RAB14: variants seen among roughly 807,000 people sequenced by gnomAD.
The protein encoded by RAB14 is RAB14, member RAS oncogene family, also known as ras-related protein Rab-14.
In RAB14, 3 loss-of-function variants were observed where a neutral mutation model predicts 31.1. The ratio of observed to expected loss-of-function variants is 0.10; its 90% CI spans 0.04 to 0.25. The LOEUF is 0.25. Among genes scored for constraint, RAB14 ranks in the 10% least tolerant of loss-of-function variants. The pLI, the probability that RAB14 is intolerant of heterozygous loss-of-function variation, is 1.00. For synonymous variants in RAB14, 85 were observed against 84.9 expected, an observed-to-expected ratio of 1.00 and a Z score of 0.00; for missense variants, 111 against 260.1, an observed-to-expected ratio of 0.43 and a Z score of 3.94.
intron 5 of RAB14, among the ~76,000 whole-genome samples, chr9:121,185,652 T>C (rs1278504775): frequency 6.6e-6 from 1 of 152,206 alleles, no homozygotes; most frequent in Non-Finnish European, 1.5e-5. Flanking sequence ...AATGAAATCA[T>C]ACAGTATGTA....
At chr9:121,187,056 TA>T (rs1564319582) in intron 4 of RAB14, 37 bp from the exon 5 acceptor site, 1 of 1,278,720 alleles carries the variant, frequency 7.8e-7, no homozygotes, top group East Asian at 2.5e-5. Flanking sequence ...GACTGCCATA[TA>T]ATTATAGAAA....
intron 1 of RAB14, among the ~76,000 whole-genome samples, chr9:121,199,087 C>T (rs1385539959): frequency 6.6e-6 from 1 of 152,026 alleles, no homozygotes; most frequent in Non-Finnish European, 1.5e-5. Context: ...AATACTGGAC[C>T]TCTGTTTACA....
intron 1 of RAB14, among the ~76,000 whole-genome samples, chr9:121,200,867 A>G (rs944370678): frequency 5.3e-5 from 8 of 152,194 alleles, no homozygotes; most frequent in African/African-American, 1.7e-4. Flanking sequence ...AAAATACATA[A>G]ATATGTACCT....
At chr9:121,186,331 A>C (rs879506457) in intron 5 of RAB14, among the ~76,000 whole-genome samples, 1 of 152,120 alleles carries the variant, frequency 6.6e-6, no homozygotes, top group African/African-American at 2.4e-5. Flanking sequence ...AGTTATCTGC[A>C]TATCTGCTGG....
chr9:121,192,267 C>A lies in RAB14; in HGVS notation c.53-43G>T, dbSNP rs145194329. On this transcript the variant is annotated intron_variant, in intron 2 of 7. Transcript: ENST00000373840. ...AGTTTCAGGTGGCAATTACATTTCT[C>A]AATTTTATGCAATGATCGCTATATT... 3.6e-4 allele frequency: 509 copies of A among 1,404,214 alleles called. No homozygotes were observed. In the African/African-American group the frequency reaches 6.3e-3, roughly 17 times the overall value. 87.0% of individuals were successfully genotyped at this position (1,404,214 alleles called of 1,614,324 possible). A position where few individuals can be genotyped will look rare whatever the true frequency, so the allele number is the denominator to read the frequency against.
chr9:121,199,480 A>T (rs1465146681), intron 1 of RAB14, among the ~76,000 whole-genome samples: 3 of 152,360 alleles, frequency 2.0e-5, no homozygotes, highest in East Asian at 3.9e-4. Context: ...ATCTCTCAAT[A>T]GCCCAAGTTT....
chr9:121,183,857 G>A (rs1036171348), intron 5 of RAB14, among the ~76,000 whole-genome samples: 2 of 152,154 alleles, frequency 1.3e-5, no homozygotes, highest in African/African-American at 4.8e-5. Flanking sequence ...ATTACTAAGG[G>A]TTCATGGACA....
At chr9:121,194,094 TCACACACACACA>T (rs56303323) in intron 1 of RAB14, among the ~76,000 whole-genome samples, 7 of 138,956 alleles carry the variant, frequency 5.0e-5, no homozygotes, top group Non-Finnish European at 1.1e-4. Context: ...AGATTATCAC[TCACACACACACA>T]CACACACACA....
Position 121,182,977 on chromosome 9 carries a change from G to C in RAB14, c.440-17C>G, listed in dbSNP as rs1209685007. On this transcript the variant is annotated splice_polypyrimidine_tract_variant and intron_variant, in intron 6 of 7. Transcript: ENST00000373840. The stretch of plus-strand genomic sequence containing the variant: ...ACAATAAGCCTAAAAATAAAATTCA[G>C]ACTATAATTAGGACACTTCAAACTA... The C allele has an allele frequency of 6.2e-7, 1 of 1,602,520 alleles. No individual in the cohort carries two copies. The highest frequency in any genetic ancestry group is 8.5e-7 in the Non-Finnish European group (1 of 1,171,868).
rs752199275 is a variant in RAB14, at chr9:121,181,374, AG to A, written c.*21del. 3.2e-6 allele frequency: 5 copies of A among 1,562,526 alleles called. No homozygotes were observed. The South Asian group carries it at 5.8e-5, about 18-fold the overall frequency. ...ACAGACAGAGGTGAAAGGTCAAATGAGGGGCCACAGCAAAGAGGTCACTAGC... is the reference window on the plus strand; with the variant it reads ...ACAGACAGAGGTGAAAGGTCAAATGAGGGCCACAGCAAAGAGGTCACTAGC... On this transcript the variant is annotated 3_prime_UTR_variant, in exon 8 of 8. Transcript: ENST00000373840.
intron 1 of RAB14, 27 bp from the exon 2 acceptor site, chr9:121,193,446 T>A: frequency 6.7e-7 from 1 of 1,488,968 alleles, no homozygotes; most frequent in Non-Finnish European, 9.2e-7. Flanking sequence ...CTCTGTTACT[T>A]CAGAAGGAAA....
At chr9:121,192,416 G>C (rs1433849912) in intron 2 of RAB14, among the ~76,000 whole-genome samples, 192 bp from the exon 3 acceptor site, 2 of 152,024 alleles carry the variant, frequency 1.3e-5, no homozygotes, top group Non-Finnish European at 2.9e-5. Context: ...ATCTTTAGCA[G>C]TGACAGAATT....
At chr9:121,181,744 CTT>C (rs3838268) in intron 7 of RAB14, among the ~76,000 whole-genome samples, 171 bp from the exon 8 acceptor site, 50 of 102,936 alleles carry the variant, frequency 4.9e-4, no homozygotes, top group Non-Finnish European at 7.5e-4. Flanking sequence ...AACTATTTTC[CTT>C]TTTTTTTTTT....
chr9:121,192,284 C>G, intron 2 of RAB14, 60 bp from the exon 3 acceptor site: 1 of 1,272,206 alleles, frequency 7.9e-7, no homozygotes, highest in Non-Finnish European at 1.1e-6. Context: ...ATGCAATGAT[C>G]GCTATATTCC....
chr9:121,183,110 ATCTT>A (rs2053642085), intron 6 of RAB14, 150 bp from the exon 7 acceptor site: 1 of 815,802 alleles, frequency 1.2e-6, no homozygotes, highest in Admixed American at 2.8e-5. Flanking sequence ...GGTGGAGAGC[ATCTT>A]TATATTTGTC....
At chr9:121,188,755 A>G (rs1233605315) in intron 4 of RAB14, among the ~76,000 whole-genome samples, 1 of 152,064 alleles carries the variant, frequency 6.6e-6, no homozygotes, top group Non-Finnish European at 1.5e-5. Context: ...GTATCACTTT[A>G]GCGCCTGACT....
At chr9:121,184,222 C>A (rs574199497) in intron 5 of RAB14, among the ~76,000 whole-genome samples, 1 of 152,230 alleles carries the variant, frequency 6.6e-6, no homozygotes, top group African/African-American at 2.4e-5. Flanking sequence ...TATGTGTATA[C>A]ACAAGGGGCA....
chr9:121,187,952 A>G (rs1046559344), intron 4 of RAB14, among the ~76,000 whole-genome samples: 8 of 151,994 alleles, frequency 5.3e-5, no homozygotes, highest in African/African-American at 1.9e-4. Context: ...CATGTCCTTT[A>G]AGTGTTTCTA....
intron 4 of RAB14, among the ~76,000 whole-genome samples, chr9:121,187,562 T>G (rs2053664768): frequency 6.6e-6 from 1 of 152,050 alleles, no homozygotes; most frequent in Non-Finnish European, 1.5e-5. Flanking sequence ...TAAAATTGAC[T>G]TTGAAGACAT....
Sources: gnomAD v4.1 joint callset for allele counts (sites outside exome capture counted in the v4.1 genomes callset) on GRCh38, gnomAD v4.1.1 for gene constraint, MANE v1.5 for transcripts, NCBI Gene and HGNC (gene_info 2026-07-23, HGNC 2026-07-21) for gene names.